The following SYT1 variants were observed in gnomAD, a reference collection of about 807,000 sequenced individuals.
The protein encoded by SYT1 is synaptotagmin-1.
In SYT1, 8 loss-of-function variants were observed where a neutral mutation model predicts 44.8. The observed-to-expected ratio is 0.18, with a 90% CI of 0.10 to 0.32. SYT1 has a LOEUF of 0.32. Ranked by LOEUF, SYT1 falls within the 10% of genes least tolerant of loss-of-function variation. The pLI is 1.00. For missense variants in SYT1, 286 were observed against 509.3 expected, an observed-to-expected ratio of 0.56 and a Z score of 4.22; for synonymous variants, 154 against 188.8, an observed-to-expected ratio of 0.82 and a Z score of 1.51.
At chr12:79,324,902 G>C (rs1252508471) in intron 8 of SYT1, among the ~76,000 whole-genome samples, 1 of 152,174 alleles carries the variant, frequency 6.6e-6, no homozygotes, top group Non-Finnish European at 1.5e-5. Flanking sequence ...CACTACCTTT[G>C]AGATACCATG....
At chr12:79,064,971 A>AGAAAGAAAGAAGGAAG (rs1555194758) in intron 3 of SYT1, among the ~76,000 whole-genome samples, 1 of 149,232 alleles carries the variant, frequency 6.7e-6, no homozygotes, top group African/African-American at 2.5e-5. Flanking sequence ...AAAGAAAGAA[A>AGAAAGAAAGAAGGAAG]GAAAGAAAGA....
rs570989969 is a variant in SYT1 at position 79,045,576 on chromosome 12, T to G, written c.-83-1721T>G. On this transcript the variant is annotated intron_variant, in intron 2 of 10. Coordinates refer to ENST00000261205, the MANE Select transcript of SYT1 (RefSeq NM_005639.3). Reference sequence around the variant, plus strand: ...CTCAGATGGAAATGCAGAAATCACCTGTCTTCTGCGTCACTCACGCTGGGA... The same window carrying G: ...CTCAGATGGAAATGCAGAAATCACCGGTCTTCTGCGTCACTCACGCTGGGA... The G allele has an allele frequency of 1.9e-5, 3 of 155,556 alleles. No homozygotes were observed. The Admixed American group carries it at 2.0e-4, about 10-fold the overall frequency. 9.6% of individuals were successfully genotyped at this position (155,556 alleles called of 1,614,324 possible).
chr12:78,905,712 G>C (rs992176617), intron 1 of SYT1, among the ~76,000 whole-genome samples: 1 of 151,736 alleles, frequency 6.6e-6, no homozygotes, highest in African/African-American at 2.4e-5. Flanking sequence ...CTGAACATTG[G>C]ACTATTATTC....
At chr12:79,101,785 T>C (rs1012733906) in intron 3 of SYT1, among the ~76,000 whole-genome samples, 1 of 152,050 alleles carries the variant, frequency 6.6e-6, no homozygotes, top group African/African-American at 2.4e-5. Context: ...TGCATGCCTG[T>C]AGTCCCAGCT....
intron 1 of SYT1, among the ~76,000 whole-genome samples, chr12:78,946,571 T>C (rs11112004): frequency 0.15 from 23,105 of 151,580 alleles, 2,066 homozygotes; most frequent in East Asian, 0.31. Context: ...AGGATAATCA[T>C]TTGAACCCGG....
At chr12:79,132,633 A>G (rs6539256) in intron 3 of SYT1, among the ~76,000 whole-genome samples, 16,377 of 148,392 alleles carry the variant, frequency 0.11, 991 homozygotes, top group African/African-American at 0.13. Flanking sequence ...ATGGGAATGT[A>G]AATAAGAATA....
chr12:78,950,465 G>A (rs1939078259), intron 1 of SYT1, among the ~76,000 whole-genome samples: 1 of 151,954 alleles, frequency 6.6e-6, no homozygotes, highest in Non-Finnish European at 1.5e-5. Flanking sequence ...CAGTTTCTGT[G>A]GAATATATAG....
At chr12:79,365,184 T>G (rs1883489010) in intron 9 of SYT1, among the ~76,000 whole-genome samples, 1 of 152,058 alleles carries the variant, frequency 6.6e-6, no homozygotes, top group African/African-American at 2.4e-5. Context: ...TCTATACATA[T>G]ATATACAAAT....
chr12:79,000,397 G>T (rs780661186), intron 2 of SYT1, among the ~76,000 whole-genome samples: 1 of 149,962 alleles, frequency 6.7e-6, no homozygotes, highest in Admixed American at 6.7e-5. Flanking sequence ...GGGTTCAAGC[G>T]ATTCTCCTGC....
At chr12:79,224,793 A>G (rs1240737474) in intron 4 of SYT1, among the ~76,000 whole-genome samples, 3 of 144,144 alleles carry the variant, frequency 2.1e-5, no homozygotes, top group Non-Finnish European at 4.5e-5. Context: ...TATTATTATT[A>G]TTAGAGACAG....
At chr12:79,407,545 G>A (rs1219507488) in intron 9 of SYT1, among the ~76,000 whole-genome samples, 31 of 152,084 alleles carry the variant, frequency 2.0e-4, no homozygotes, top group Non-Finnish European at 1.3e-4. Flanking sequence ...ATACCATTGG[G>A]ATAGCTCTGA....
intron 3 of SYT1, among the ~76,000 whole-genome samples, chr12:79,068,275 A>G (rs1876015278): frequency 6.6e-6 from 1 of 152,168 alleles, no homozygotes; most frequent in Non-Finnish European, 1.5e-5. Context: ...CAATTAGTAA[A>G]TTAAACTTTA....
At chr12:78,993,133 G>A (rs947534690) in intron 2 of SYT1, among the ~76,000 whole-genome samples, 1 of 152,074 alleles carries the variant, frequency 6.6e-6, no homozygotes, top group Non-Finnish European at 1.5e-5. Flanking sequence ...CCTGTATTAT[G>A]TTTATCTGTT....
intron 4 of SYT1, among the ~76,000 whole-genome samples, chr12:79,261,056 G>C (rs1288650262): frequency 6.6e-6 from 1 of 152,138 alleles, no homozygotes; most frequent in Non-Finnish European, 1.5e-5. Context: ...CCAAGCCACT[G>C]TCATTGTTCT....
chr12:78,882,091 G>A (rs1874489245), intron 1 of SYT1, among the ~76,000 whole-genome samples: 1 of 151,742 alleles, frequency 6.6e-6, no homozygotes, highest in African/African-American at 2.4e-5. Context: ...CGGGGGCCAT[G>A]TATGCTCTAT....
chr12:79,343,659 G>A (rs562999399), intron 8 of SYT1, among the ~76,000 whole-genome samples: 1 of 152,092 alleles, frequency 6.6e-6, no homozygotes, highest in Non-Finnish European at 1.5e-5. Flanking sequence ...TTTGTCTTTT[G>A]TCAGTAATAA....
intron 4 of SYT1, among the ~76,000 whole-genome samples, chr12:79,250,244 A>G (rs1245398407): frequency 6.6e-6 from 1 of 152,192 alleles, no homozygotes; most frequent in African/African-American, 2.4e-5. Flanking sequence ...CTTCCAGGAA[A>G]AAAAGGAACA....
At chr12:79,416,506 G>A (rs1868750082) in intron 9 of SYT1, among the ~76,000 whole-genome samples, 2 of 152,064 alleles carry the variant, frequency 1.3e-5, no homozygotes, top group African/African-American at 2.4e-5. Context: ...TAAAATAACA[G>A]ATGATCACTA....
intron 3 of SYT1, among the ~76,000 whole-genome samples, chr12:79,139,599 G>A (rs11829888): frequency 0.11 from 17,295 of 151,940 alleles, 1,432 homozygotes; most frequent in African/African-American, 0.24. Context: ...CAATGTTAAT[G>A]GTACTTTTTG....
Sources: gnomAD v4.1 joint callset for allele counts (sites outside exome capture counted in the v4.1 genomes callset) on GRCh38, gnomAD v4.1.1 for gene constraint, MANE v1.5 for transcripts, NCBI Gene and HGNC (gene_info 2026-07-23, HGNC 2026-07-21) for gene names.